SORCS1: variants seen among roughly 807,000 people sequenced by gnomAD.
SORCS1 encodes the protein VPS10 domain-containing receptor SorCS1.
A neutral mutation model predicts 146.1 loss-of-function variants in SORCS1; 60 were observed. The ratio of observed to expected loss-of-function variants is 0.41; its 90% confidence interval spans 0.33 to 0.51. The LOEUF is 0.51. Among genes scored for constraint, SORCS1 ranks in the 20% least tolerant of loss-of-function variants. The probability of loss-of-function intolerance (pLI) is 0.21; values close to 1 mark genes in which losing one functional copy is unlikely to be tolerated. For missense variants in SORCS1, 1,352 were observed against 1,487.6 expected (o/e 0.91, Z 1.50); for synonymous variants, 637 against 584.0 (o/e 1.09, Z -1.31).
chr10:106,973,270 A>G (rs1212088548), intron 1 of SORCS1, among the ~76,000 whole-genome samples: 1 of 152,176 alleles, frequency 6.6e-6, no homozygotes, highest in Non-Finnish European at 1.5e-5. Flanking sequence ...GCTAGAAACA[A>G]ATGATACCTC....
At chr10:106,784,488 CTAAT>C (rs1945961178) in intron 3 of SORCS1, among the ~76,000 whole-genome samples, 1 of 151,924 alleles carries the variant, frequency 6.6e-6, no homozygotes, top group Admixed American at 6.5e-5. Flanking sequence ...ACTATGAGAA[CTAAT>C]TAAATACCTT....
At chr10:107,007,007 C>T (rs1328068438) in intron 1 of SORCS1, among the ~76,000 whole-genome samples, 16 of 152,152 alleles carry the variant, frequency 1.1e-4, no homozygotes, top group South Asian at 2.1e-4. Flanking sequence ...TAAGTCATTT[C>T]CCTTGTATCT....
chr10:107,115,739 C>A (rs1055218282), intron 1 of SORCS1, among the ~76,000 whole-genome samples: 1 of 151,934 alleles, frequency 6.6e-6, no homozygotes, highest in Non-Finnish European at 1.5e-5. Flanking sequence ...AAAGCAAACA[C>A]AAACAAATGG....
chr10:106,878,988 A>G (rs1950710759), intron 2 of SORCS1, among the ~76,000 whole-genome samples: 1 of 151,770 alleles, frequency 6.6e-6, no homozygotes, highest in Non-Finnish European at 1.5e-5. Context: ...TCTACTAAAA[A>G]TACAAAAAAA....
chr10:107,146,947 A>T (rs1404312024), intron 1 of SORCS1, among the ~76,000 whole-genome samples: 1 of 152,156 alleles, frequency 6.6e-6, no homozygotes, highest in East Asian at 1.9e-4. Flanking sequence ...TGTTGCAGAT[A>T]TGTGTTTCCC....
chr10:106,642,932 C>T (rs1329042361), intron 18 of SORCS1, among the ~76,000 whole-genome samples: 1 of 152,176 alleles, frequency 6.6e-6, no homozygotes, highest in Non-Finnish European at 1.5e-5. Context: ...AGCCACAGGC[C>T]AAACTGGCTT....
chr10:106,778,561 A>G (rs149577731), intron 3 of SORCS1, among the ~76,000 whole-genome samples: 14 of 152,320 alleles, frequency 9.2e-5, no homozygotes, highest in Non-Finnish European at 1.6e-4. Flanking sequence ...ATTCACAGGA[A>G]TATTTCCAAG....
chr10:107,050,645 G>A (rs770570749), intron 1 of SORCS1, among the ~76,000 whole-genome samples: 5 of 152,160 alleles, frequency 3.3e-5, no homozygotes, highest in Non-Finnish European at 7.4e-5. Flanking sequence ...CTTGTCAGCA[G>A]TTGAACCAAA....
chr10:106,647,908 G>A (rs1589560521), intron 18 of SORCS1, among the ~76,000 whole-genome samples: 1 of 152,110 alleles, frequency 6.6e-6, no homozygotes, highest in South Asian at 2.1e-4. Context: ...CGCTCTGTCA[G>A]CCAGGCTGGA....
intron 2 of SORCS1, among the ~76,000 whole-genome samples, chr10:106,930,206 C>T (rs777040852): frequency 6.6e-5 from 10 of 152,002 alleles, no homozygotes; most frequent in African/African-American, 9.7e-5. Context: ...GGCGTGAACC[C>T]GGGAAGCGGA....
At chr10:107,148,869 G>A (rs1968544348) in intron 1 of SORCS1, among the ~76,000 whole-genome samples, 1 of 152,092 alleles carries the variant, frequency 6.6e-6, no homozygotes, top group Non-Finnish European at 1.5e-5. Context: ...TTGTCTCAGG[G>A]CATATTTGGG....
chr10:107,080,999 A>T (rs953950539), intron 1 of SORCS1, among the ~76,000 whole-genome samples: 1 of 152,218 alleles, frequency 6.6e-6, no homozygotes, highest in Non-Finnish European at 1.5e-5. Flanking sequence ...CAACCATAAA[A>T]AAAAGATATC....
chr10:107,013,448 T>C (rs982552277), intron 1 of SORCS1, among the ~76,000 whole-genome samples: 12 of 152,010 alleles, frequency 7.9e-5, no homozygotes, highest in Non-Finnish European at 1.3e-4. Context: ...CACACACAGA[T>C]AGCCAGCAGG....
chr10:107,101,617 C>A (rs546101997), intron 1 of SORCS1, among the ~76,000 whole-genome samples: 1 of 152,266 alleles, frequency 6.6e-6, no homozygotes, highest in African/African-American at 2.4e-5. Flanking sequence ...CCATCTCGGT[C>A]ACTCAAACTG....
chr10:106,624,482 T>C (rs1246374826), intron 19 of SORCS1, among the ~76,000 whole-genome samples: 3 of 150,332 alleles, frequency 2.0e-5, no homozygotes, highest in African/African-American at 7.3e-5. Flanking sequence ...TGCTTCATCC[T>C]CATGAGTAGC....
At chr10:106,969,247 A>C (rs554430498) in intron 1 of SORCS1, among the ~76,000 whole-genome samples, 1 of 152,306 alleles carries the variant, frequency 6.6e-6, no homozygotes, top group African/African-American at 2.4e-5. Flanking sequence ...GGTGGGTATA[A>C]AAATTTAGCA....
chr10:106,937,797 C>T (rs1203521666), intron 2 of SORCS1, among the ~76,000 whole-genome samples: 1 of 151,858 alleles, frequency 6.6e-6, no homozygotes, highest in Admixed American at 6.6e-5. Context: ...AATCCCATCT[C>T]TACTAAAAAC....
Position 107,107,776 on chromosome 10 carries a change from GCAGACC to G in SORCS1, c.558+56187_558+56192del, listed in dbSNP as rs1722123123. On this transcript the variant is annotated intron_variant, in intron 1 of 25. Coordinates refer to ENST00000263054, the MANE Select transcript of SORCS1 (RefSeq NM_052918.5). Reference sequence around the variant, plus strand: ...AGACTTGGTGATCATGGTTCTGACTGCAGACCTGGAAATGGCTTTATCCTCTTGTGG... The same window carrying G: ...AGACTTGGTGATCATGGTTCTGACTGTGGAAATGGCTTTATCCTCTTGTGG... 2.0e-5 allele frequency among the ~76,000 whole-genome samples: 3 copies of G among 152,338 alleles called. No individual in the cohort carries two copies. The South Asian group carries it at 6.2e-4, about 32-fold the overall frequency.
At chr10:106,883,417 A>ATT (rs11396800) in intron 2 of SORCS1, among the ~76,000 whole-genome samples, 1,880 of 144,036 alleles carry the variant, frequency 0.013, 48 homozygotes, top group African/African-American at 0.042. Flanking sequence ...TAGCAAATGT[A>ATT]TTTTTTTTTT....
Sources: allele counts gnomAD v4.1 joint callset (sites outside exome capture counted in the v4.1 genomes callset), GRCh38; gene constraint gnomAD v4.1.1; transcripts MANE v1.5; gene names NCBI Gene and HGNC (gene_info 2026-07-23, HGNC 2026-07-21).